Variants in CNGB3 observed in about 807,000 individuals in gnomAD.
CNGB3 encodes the protein cyclic nucleotide-gated channel beta-3.
Under a neutral mutation model 92.8 loss-of-function variants are expected in CNGB3, and 86 were observed. That is an observed-to-expected ratio of 0.93 (90% confidence interval 0.78 to 1.11). The LOEUF is 1.11. Among genes scored for constraint, CNGB3 ranks in the 50% least tolerant of loss-of-function variants. CNGB3 has a pLI of 0.00. For synonymous variants in CNGB3, 333 were observed against 332.7 expected (o/e 1.00, Z -0.01); for missense variants, 1,026 against 956.8 (o/e 1.07, Z -0.95).
intron 3 of CNGB3, among the ~76,000 whole-genome samples, chr8:86,694,101 A>C (rs1824382936): frequency 1.0e-5 from 1 of 98,698 alleles, no homozygotes; most frequent in Admixed American, 1.0e-4. Flanking sequence ...TCCCTCCCAG[A>C]CGGGGCGGCT....
chr8:86,712,244 T>G (rs1299329246), intron 3 of CNGB3, among the ~76,000 whole-genome samples: 3 of 152,156 alleles, frequency 2.0e-5, no homozygotes, highest in Non-Finnish European at 4.4e-5. Flanking sequence ...CTTTGCTGAT[T>G]CTTTCTTTTT....
chr8:86,607,863 C>T (rs948065558), intron 14 of CNGB3, among the ~76,000 whole-genome samples: 2 of 152,112 alleles, frequency 1.3e-5, no homozygotes. Context: ...TTTCCTTCCC[C>T]TTGCCTTCAA....
intron 6 of CNGB3, chr8:86,658,334 C>A (rs921880488): frequency 4.2e-6 from 2 of 476,228 alleles, no homozygotes; most frequent in Non-Finnish European, 7.9e-6. Context: ...TGAGCGGAAG[C>A]GCCTCCTCCT....
intron 3 of CNGB3, among the ~76,000 whole-genome samples, chr8:86,683,246 G>GTGCCAAAT (rs1178592517): frequency 6.6e-6 from 1 of 152,112 alleles, no homozygotes; most frequent in East Asian, 1.9e-4. Context: ...GATACTCTGA[G>GTGCCAAAT]TGCCAAATTA....
intron 3 of CNGB3, among the ~76,000 whole-genome samples, chr8:86,719,559 G>A (rs1456113858): frequency 1.3e-5 from 2 of 151,946 alleles, no homozygotes; most frequent in Non-Finnish European, 2.9e-5. Flanking sequence ...TTGTGTAAAT[G>A]ACCACACTGC....
At chr8:86,727,797 A>G (rs1339352266) in intron 2 of CNGB3, among the ~76,000 whole-genome samples, 3 of 152,160 alleles carry the variant, frequency 2.0e-5, no homozygotes, top group South Asian at 2.1e-4. Flanking sequence ...CCAAATCATC[A>G]TTTTATTTTC....
chr8:86,718,022 G>A (rs185732482), intron 3 of CNGB3, among the ~76,000 whole-genome samples: 1 of 151,976 alleles, frequency 6.6e-6, no homozygotes, highest in Non-Finnish European at 1.5e-5. Flanking sequence ...GTGGTGCGAA[G>A]AGCAACATTC....
chr8:86,595,450 G>T (rs1368392414), intron 15 of CNGB3, among the ~76,000 whole-genome samples: 1 of 152,192 alleles, frequency 6.6e-6, no homozygotes, highest in Admixed American at 6.5e-5. Context: ...TGTTCAGTGG[G>T]ATATTGTGGG....
chr8:86,604,233 G>T, intron 14 of CNGB3, 22 bp from the exon 15 acceptor site: 1 of 1,412,470 alleles, frequency 7.1e-7, no homozygotes, highest in Non-Finnish European at 1.0e-6. Flanking sequence ...ATATAAAGAG[G>T]AAATGGTAGT....
chr8:86,667,880 T>G, intron 5 of CNGB3, 139 bp downstream of exon 5: 1 of 940,480 alleles, frequency 1.1e-6, no homozygotes, highest in Non-Finnish European at 1.7e-6. Flanking sequence ...CCTTTGCAGG[T>G]TATTTAATTT....
chr8:86,681,480 T>A (rs1400748686), intron 3 of CNGB3, among the ~76,000 whole-genome samples: 1 of 151,898 alleles, frequency 6.6e-6, no homozygotes, highest in Non-Finnish European at 1.5e-5. Flanking sequence ...GGAGAATAGA[T>A]CTAGAAGTTA....
At chr8:86,686,321 C>A (rs776480374) in intron 3 of CNGB3, among the ~76,000 whole-genome samples, 3 of 149,368 alleles carry the variant, frequency 2.0e-5, no homozygotes, top group Non-Finnish European at 4.5e-5. Flanking sequence ...TGGAGCTCAC[C>A]GTTCGATCTA....
chr8:86,671,529 G>A (rs1374357472), intron 3 of CNGB3, among the ~76,000 whole-genome samples: 2 of 152,184 alleles, frequency 1.3e-5, no homozygotes, highest in Non-Finnish European at 1.5e-5. Context: ...CAGTTGATAA[G>A]GAGATTATAT....
At chr8:86,660,397 A>G in intron 6 of CNGB3, 1 of 451,434 alleles carries the variant, frequency 2.2e-6, no homozygotes, top group Non-Finnish European at 4.4e-6. Context: ...GATCCAGAGG[A>G]GAGTTAACCA....
Position 86,726,648 on chromosome 8 carries a change from G to T in CNGB3, c.221C>A (p.Ser74Tyr). The T allele has an allele frequency of 6.2e-7, 1 of 1,613,566 alleles. No individual in the cohort carries two copies. The highest frequency in any genetic ancestry group is 2.2e-5 in the East Asian group (1 of 44,868). The change falls in exon 3 of 18, where the codon TCC becomes TAC. Residue 74 changes from serine (S) to tyrosine (Y), a missense_variant. By Grantham distance (144) the Ser-to-Tyr change is moderately radical. Transcript: ENST00000320005. ...EPHTNIQDKL[S>Y]KKNSSGDLTT... ...CAGATCTCCAGAGGAATTTTTCTTG[G>T]AGAGTTTGTCTATGAAAAAAAAATT... is the stretch of plus-strand genomic sequence containing the variant.
chr8:86,581,283 A>C (rs958313097), intron 15 of CNGB3, among the ~76,000 whole-genome samples: 3 of 152,196 alleles, frequency 2.0e-5, no homozygotes, highest in Admixed American at 6.5e-5. Flanking sequence ...ATAACTGGTA[A>C]GAATGCTTAA....
chr8:86,691,429 TG>T (rs1214678819), intron 3 of CNGB3, among the ~76,000 whole-genome samples: 1 of 152,124 alleles, frequency 6.6e-6, no homozygotes, highest in Admixed American at 6.6e-5. Flanking sequence ...GTGGTGAGAG[TG>T]GGCATTCTTG....
At chr8:86,615,972 C>T (rs1370766830) in intron 13 of CNGB3, among the ~76,000 whole-genome samples, 1 of 152,108 alleles carries the variant, frequency 6.6e-6, no homozygotes, top group African/African-American at 2.4e-5. Flanking sequence ...CTTCTTTCCC[C>T]TTTTATCCTT....
intron 3 of CNGB3, among the ~76,000 whole-genome samples, chr8:86,708,442 G>T (rs1220513158): frequency 6.6e-6 from 1 of 152,072 alleles, no homozygotes; most frequent in African/African-American, 2.4e-5. Context: ...ACTTGATCTT[G>T]GCCAAAAGGC....
Sources: allele counts gnomAD v4.1 joint callset (sites outside exome capture counted in the v4.1 genomes callset), GRCh38; gene constraint gnomAD v4.1.1; transcripts MANE v1.5; gene names NCBI Gene and HGNC (gene_info 2026-07-23, HGNC 2026-07-21).